ANAPC10: variants seen among roughly 807,000 people sequenced by gnomAD.
ANAPC10 encodes anaphase promoting complex subunit 10.
Under a neutral mutation model 22.0 loss-of-function variants are expected in ANAPC10, and 12 were observed. The observed-to-expected ratio is 0.55, with a 90% CI of 0.35 to 0.88. The LOEUF is 0.88. Among genes scored for constraint, ANAPC10 ranks in the 40% least tolerant of loss-of-function variants. The probability of loss-of-function intolerance (pLI) is 0.01; values close to 1 mark genes in which losing one functional copy is unlikely to be tolerated. For missense variants in ANAPC10, 188 were observed against 220.9 expected (o/e 0.85, Z 0.94); for synonymous variants, 65 against 69.5 (o/e 0.94, Z 0.32).
At chr4:145,088,855 A>G (rs1192987362) in intron 2 of ANAPC10, among the ~76,000 whole-genome samples, 1 of 152,140 alleles carries the variant, frequency 6.6e-6, no homozygotes, top group Non-Finnish European at 1.5e-5. Context: ...CTGTCCCACC[A>G]TGTCTAATTA....
chr4:145,068,721 C>T (rs747549560), intron 3 of ANAPC10, among the ~76,000 whole-genome samples: 1 of 152,096 alleles, frequency 6.6e-6, no homozygotes, highest in Non-Finnish European at 1.5e-5. Context: ...ACCATCCTGG[C>T]CAACATGGTG....
intron 4 of ANAPC10, among the ~76,000 whole-genome samples, chr4:145,023,962 G>C (rs1736306055): frequency 6.6e-6 from 1 of 152,146 alleles, no homozygotes; most frequent in Non-Finnish European, 1.5e-5. Flanking sequence ...TTCAGACCCT[G>C]CCATTACTTT....
At chr4:144,997,627 G>T (rs948101696) in intron 4 of ANAPC10, among the ~76,000 whole-genome samples, 24 of 152,100 alleles carry the variant, frequency 1.6e-4, no homozygotes, top group Non-Finnish European at 1.0e-4. Context: ...TGCAAAAACA[G>T]GCCAAATTGT....
At chr4:145,026,418 GA>G (rs1168521004) in intron 4 of ANAPC10, among the ~76,000 whole-genome samples, 2 of 151,896 alleles carry the variant, frequency 1.3e-5, no homozygotes, top group South Asian at 2.1e-4. Flanking sequence ...AAGTGCATGG[GA>G]AAAAAACAGA....
intron 4 of ANAPC10, among the ~76,000 whole-genome samples, chr4:145,056,216 TA>T (rs1742050738): frequency 6.6e-6 from 1 of 152,122 alleles, no homozygotes; most frequent in Admixed American, 6.5e-5. Flanking sequence ...CAGGCTGCAG[TA>T]AAGAAGCTGG....
At chr4:145,058,796 T>C (rs745869962) in intron 4 of ANAPC10, among the ~76,000 whole-genome samples, 2 of 152,154 alleles carry the variant, frequency 1.3e-5, no homozygotes, top group Non-Finnish European at 2.9e-5. Context: ...AAATGCATAG[T>C]TACCTCAACT....
chr4:145,031,044 T>C (rs556638975), intron 4 of ANAPC10, among the ~76,000 whole-genome samples: 1 of 152,326 alleles, frequency 6.6e-6, no homozygotes, highest in African/African-American at 2.4e-5. Flanking sequence ...TATCCAACCA[T>C]TGACTTGGCA....
At chr4:145,040,129 ATGTGTGTGTGTG>A (rs35260688) in intron 4 of ANAPC10, among the ~76,000 whole-genome samples, 55 of 148,912 alleles carry the variant, frequency 3.7e-4, no homozygotes, top group African/African-American at 1.2e-3. Flanking sequence ...GTGTGTGTGT[ATGTGTGTGTGTG>A]TGTGTGTGTG....
chr4:145,002,031 A>G (rs895321438), intron 4 of ANAPC10, among the ~76,000 whole-genome samples: 6 of 152,304 alleles, frequency 3.9e-5, no homozygotes, highest in Middle Eastern at 3.4e-3. Context: ...AAACTACTTG[A>G]TAGTTGCTTC....
chr4:145,088,746 G>GT (rs1747247296), intron 2 of ANAPC10, among the ~76,000 whole-genome samples: 1 of 152,138 alleles, frequency 6.6e-6, no homozygotes, highest in Non-Finnish European at 1.5e-5. Flanking sequence ...TAAAAATTCT[G>GT]TATCAGATCA....
intron 4 of ANAPC10, among the ~76,000 whole-genome samples, chr4:144,998,966 C>G (rs1385647121): frequency 6.6e-6 from 1 of 151,982 alleles, no homozygotes; most frequent in Non-Finnish European, 1.5e-5. Flanking sequence ...TACAAACTAC[C>G]ACCAGAGAAT....
chr4:145,045,862 AT>A (rs1311721668), intron 4 of ANAPC10, among the ~76,000 whole-genome samples: 3 of 152,122 alleles, frequency 2.0e-5, no homozygotes, highest in Non-Finnish European at 4.4e-5. Context: ...GCAAAGAAGA[AT>A]TTTTAAAATA....
intron 4 of ANAPC10, among the ~76,000 whole-genome samples, chr4:145,034,701 T>A (rs1470134433): frequency 6.6e-6 from 1 of 151,716 alleles, no homozygotes; most frequent in East Asian, 1.9e-4. Context: ...AAGAGAAACC[T>A]GACTAATACA....
At chr4:145,067,690 C>A (rs537900984) in intron 3 of ANAPC10, among the ~76,000 whole-genome samples, 1 of 152,336 alleles carries the variant, frequency 6.6e-6, no homozygotes, top group East Asian at 1.9e-4. Flanking sequence ...CCTGCTACCA[C>A]AGATACGAGC....
At chr4:145,081,561 A>G in intron 3 of ANAPC10, 99 bp downstream of exon 3, 1 of 757,096 alleles carries the variant, frequency 1.3e-6, no homozygotes, top group South Asian at 2.0e-5. Flanking sequence ...AGTTAAGTGT[A>G]TTTCATTGTA....
In ANAPC10 at chr4:145,096,131, G is replaced by T; in HGVS notation, c.-12-20C>A. 6.2e-7 allele frequency: 1 copy of T among 1,605,732 alleles called. No homozygotes were observed. Among genetic ancestry groups the T allele is most frequent in the South Asian group, 1.1e-5 (1 of 88,704 alleles). On this transcript the variant is annotated intron_variant, in intron 1 of 4. Transcript: ENST00000507656. ...AATATTCTATGTAGAAAACAAGAAT[G>T]CACACATTGTATCAGGAACTGGGCA...
chr4:145,070,411 TGAAA>T (rs1172944033), intron 3 of ANAPC10, among the ~76,000 whole-genome samples: 1 of 151,882 alleles, frequency 6.6e-6, no homozygotes, highest in Non-Finnish European at 1.5e-5. Flanking sequence ...AGGAAGCACA[TGAAA>T]AAAATGCTTG....
Position 144,995,191 on chromosome 4 carries a change from CAT to C in ANAPC10, c.*180_*181del, listed in dbSNP as rs946979845. ...AATGTAAAATATGTGAGCTTTATTACATGTTAAAGAAAATAAAGATAATATGA... is the reference window on the plus strand; with the variant it reads ...AATGTAAAATATGTGAGCTTTATTACGTTAAAGAAAATAAAGATAATATGA... On this transcript the variant is annotated 3_prime_UTR_variant, in exon 5 of 5. Coordinates refer to ENST00000507656, the MANE Select transcript of ANAPC10 (RefSeq NM_001256706.2). The C allele has an allele frequency of 6.5e-5, 26 of 402,500 alleles. No homozygotes were observed. Among genetic ancestry groups the C allele is most frequent in the African/African-American group, 5.4e-4 (26 of 48,582 alleles). 24.9% of individuals were successfully genotyped at this position (402,500 alleles called of 1,614,324 possible). A position where few individuals can be genotyped will look rare whatever the true frequency, so the allele number is the denominator to read the frequency against.
chr4:145,024,790 C>T (rs1736426638), intron 4 of ANAPC10, among the ~76,000 whole-genome samples: 1 of 152,170 alleles, frequency 6.6e-6, no homozygotes, highest in South Asian at 2.1e-4. Context: ...GCTGCATCAG[C>T]CCCTAACAAA....
Sources: gnomAD v4.1 joint callset for allele counts (sites outside exome capture counted in the v4.1 genomes callset) on GRCh38, gnomAD v4.1.1 for gene constraint, MANE v1.5 for transcripts, NCBI Gene and HGNC (gene_info 2026-07-23, HGNC 2026-07-21) for gene names.